TGS1: variants seen among roughly 807,000 people sequenced by gnomAD.
TGS1 encodes the protein trimethylguanosine synthase 1, also known as trimethylguanosine synthase.
A neutral mutation model predicts 92.2 loss-of-function variants in TGS1; 69 were observed. That is an observed-to-expected ratio of 0.75 (90% confidence interval 0.62 to 0.91). The LOEUF is 0.91. Among genes scored for constraint, TGS1 ranks in the 40% least tolerant of loss-of-function variants. The pLI, the probability that TGS1 is intolerant of heterozygous loss-of-function variation, is 0.00. For missense variants in TGS1, 1,062 were observed against 1,001.2 expected, an observed-to-expected ratio of 1.06 and a Z score of -0.82; for synonymous variants, 345 against 338.1, an observed-to-expected ratio of 1.02 and a Z score of -0.22.
intron 8 of TGS1, among the ~76,000 whole-genome samples, chr8:55,802,193 CTAAA>C (rs945010666): frequency 4.6e-5 from 7 of 152,028 alleles, no homozygotes; most frequent in Admixed American, 3.3e-4. Context: ...GACTTCGTCT[CTAAA>C]TAAATAAATA....
chr8:55,786,090 G>A, intron 3 of TGS1, 148 bp from the exon 4 acceptor site: 1 of 691,728 alleles, frequency 1.4e-6, no homozygotes, highest in Non-Finnish European at 2.4e-6. Context: ...TGGAAACTTA[G>A]ATAGTATATC....
At chr8:55,802,695 AT>A (rs1008998765) in intron 9 of TGS1, 89 bp downstream of exon 9, 29 of 1,291,866 alleles carry the variant, frequency 2.2e-5, no homozygotes, top group Non-Finnish European at 3.0e-5. Context: ...GAATGTTCAT[AT>A]CCCCTTTACC....
At position 55,788,089 on chromosome 8, in the gene TGS1, G is replaced by C. The variant is rs546021010; in HGVS notation, c.1162+1029G>C. On this transcript the variant is annotated intron_variant, in intron 4 of 12. Coordinates refer to ENST00000260129, the MANE Select transcript of TGS1 (RefSeq NM_024831.8). ...GGGGACAAACATCCAAACCCTATCA[G>C]TGCTCTTGCTGGGGAGAGGCTTCTG... Among the ~76,000 whole-genome samples the C allele has an allele frequency of 3.9e-5, 6 of 152,312 alleles. No individual in the cohort carries two copies. The East Asian group carries it at 1.2e-3, about 29-fold the overall frequency.
chr8:55,802,285 G>C (rs1466547871), intron 8 of TGS1, among the ~76,000 whole-genome samples, 172 bp from the exon 9 acceptor site: 1 of 152,158 alleles, frequency 6.6e-6, no homozygotes, highest in Non-Finnish European at 1.5e-5. Context: ...CAAAATGCTG[G>C]TGGTGATTGA....
intron 5 of TGS1, 149 bp downstream of exon 5, chr8:55,790,448 G>A (rs1811848293): frequency 4.9e-6 from 3 of 612,596 alleles, no homozygotes; most frequent in Non-Finnish European, 8.7e-6. Context: ...TGAGCCTTTG[G>A]ACCTGGACCT....
At chr8:55,783,089 A>G (rs1187944744) in intron 2 of TGS1, among the ~76,000 whole-genome samples, 1 of 152,108 alleles carries the variant, frequency 6.6e-6, no homozygotes, top group Non-Finnish European at 1.5e-5. Flanking sequence ...ATTAGATAAG[A>G]GCAACCTGGA....
At chr8:55,788,930 G>C (rs1007176797) in intron 4 of TGS1, among the ~76,000 whole-genome samples, 2 of 152,084 alleles carry the variant, frequency 1.3e-5, no homozygotes, top group African/African-American at 4.8e-5. Context: ...TCATCTGCCT[G>C]CTTTTTTCTT....
chr8:55,823,916 C>A (rs1020642584), intron 12 of TGS1, among the ~76,000 whole-genome samples: 1 of 150,896 alleles, frequency 6.6e-6, no homozygotes, highest in African/African-American at 2.4e-5. Flanking sequence ...AGTTCGAGAC[C>A]AGCCTGGCCA....
chr8:55,808,942 T>C (rs561687342), intron 10 of TGS1, among the ~76,000 whole-genome samples: 1 of 152,322 alleles, frequency 6.6e-6, no homozygotes, highest in South Asian at 2.1e-4. Flanking sequence ...GGCAAGGAAT[T>C]CAAAACAGTT....
In TGS1 at chr8:55,782,791, A is replaced by G. The variant is rs1159894432; in HGVS notation, c.145A>G (p.Arg49Gly). ...TTTGGGATTAAAAGGCTATTACATC[A>G]GAGACAGTGGCAACAATTCAGGTAA... The part of the protein sequence containing the change: ...YNLGLKGYYI[R>G]DSGNNSGDQA... The change falls in exon 2 of 13, where the codon AGA (arginine) becomes GGA (glycine). Residue 49 changes from arginine to glycine, a missense_variant. Arg to Gly is a moderately radical substitution (Grantham distance 125). Transcript: ENST00000260129. The G allele has an allele frequency of 1.2e-6, 2 of 1,610,640 alleles. No individual in the cohort carries two copies. Among genetic ancestry groups the G allele is most frequent in the Non-Finnish European group, 1.7e-6 (2 of 1,178,702 alleles).
intron 8 of TGS1, among the ~76,000 whole-genome samples, chr8:55,801,528 G>T (rs1258430005): frequency 6.9e-6 from 1 of 144,212 alleles, no homozygotes; most frequent in African/African-American, 2.6e-5. Context: ...CCTGCCTCAG[G>T]CTCCCAAAGT....
chr8:55,806,522 GTTAA>G (rs2130206634), intron 10 of TGS1, among the ~76,000 whole-genome samples: 1 of 151,982 alleles, frequency 6.6e-6, no homozygotes, highest in Admixed American at 6.6e-5. Context: ...CAAAATATGT[GTTAA>G]TTAACTGTTT....
chr8:55,797,112 C>G (rs920328386), intron 7 of TGS1, among the ~76,000 whole-genome samples: 5 of 152,218 alleles, frequency 3.3e-5, no homozygotes, highest in African/African-American at 1.2e-4. Flanking sequence ...ATACCCAAGA[C>G]TGGATAATTT....
rs777975868 is a variant in TGS1, at chr8:55,786,811, G to A, written c.913G>A (p.Asp305Asn). Residue 305 changes from aspartate (D) to asparagine (N), a missense_variant, in exon 4 of 13, where the codon GAT becomes AAT. Transcript: ENST00000260129. ...ATCTTCACCTATTATGGTTGATAAT[G>A]ATAGCTCTGGTACAAGTGATAAGGA... Reference protein sequence around the residue: ...FPSSPIMVDNDSSGTSDKDHS... With the variant: ...FPSSPIMVDNNSSGTSDKDHS... The A allele has an allele frequency of 6.2e-7, 1 of 1,614,142 alleles. No homozygotes were observed. The highest frequency in any genetic ancestry group is 1.1e-5 in the South Asian group (1 of 91,072).
chr8:55,804,433 A>G (rs952426273), intron 9 of TGS1, among the ~76,000 whole-genome samples: 1 of 152,134 alleles, frequency 6.6e-6, no homozygotes, highest in African/African-American at 2.4e-5. Context: ...AGAGCAAGAC[A>G]CTGTCTCCAA....
chr8:55,797,356 T>G (rs1251852679), intron 7 of TGS1, among the ~76,000 whole-genome samples: 1 of 152,128 alleles, frequency 6.6e-6, no homozygotes, highest in Non-Finnish European at 1.5e-5. Context: ...TTCAACTATC[T>G]TTACCTGATT....
chr8:55,787,903 G>A (rs1455051652), intron 4 of TGS1, among the ~76,000 whole-genome samples: 1 of 152,186 alleles, frequency 6.6e-6, no homozygotes. Context: ...GCAAGAGAGA[G>A]GGGGGAGGTC....
chr8:55,796,943 A>G (rs192891274), intron 7 of TGS1, among the ~76,000 whole-genome samples: 2 of 152,254 alleles, frequency 1.3e-5, no homozygotes, highest in East Asian at 3.9e-4. Context: ...GTGAGCTGAG[A>G]TTGTGCCATT....
intron 6 of TGS1, among the ~76,000 whole-genome samples, 156 bp from the exon 7 acceptor site, chr8:55,795,822 C>A (rs1386317161): frequency 1.3e-5 from 2 of 152,186 alleles, no homozygotes; most frequent in African/African-American, 4.8e-5. Context: ...ATCAACTCTT[C>A]TGCAAGTTGA....
Sources: gnomAD v4.1 joint callset for allele counts (sites outside exome capture counted in the v4.1 genomes callset) on GRCh38, gnomAD v4.1.1 for gene constraint, MANE v1.5 for transcripts, NCBI Gene and HGNC (gene_info 2026-07-23, HGNC 2026-07-21) for gene names.